RFPL1: variants seen among roughly 807,000 people sequenced by gnomAD.
The protein encoded by RFPL1 is ret finger protein-like 1.
A neutral mutation model predicts 9.6 loss-of-function variants in RFPL1; 6 were observed. That is an observed-to-expected ratio of 0.62 (90% CI 0.34 to 1.23). The LOEUF (loss-of-function observed/expected upper bound fraction) is 1.23. RFPL1 is among the 50% of genes most tolerant of loss of function. The pLI, the probability that RFPL1 is intolerant of heterozygous loss-of-function variation, is 0.03. For missense variants in RFPL1, 352 were observed against 398.4 expected, an observed-to-expected ratio of 0.88 and a Z score of 0.99; for synonymous variants, 145 against 149.4, an observed-to-expected ratio of 0.97 and a Z score of 0.22.
At position 29,439,166 on chromosome 22, in the gene RFPL1, TGA is replaced by T. The variant is rs1332545212; in HGVS notation, c.373+4_373+5del. The stretch of plus-strand genomic sequence containing the variant: ...ACCCAAGGATGCGGAAGTTCCAAGG[TGA>T]GGGATCTGTATACACTGCCCCCTTC... On this transcript the variant is annotated splice_donor_region_variant and intron_variant, in intron 1 of 1. Coordinates refer to ENST00000354373, the Ensembl canonical transcript of RFPL1. The T allele has an allele frequency of 2.5e-6, 4 of 1,613,432 alleles. No homozygotes were observed. Among genetic ancestry groups the T allele is most frequent in the Admixed American group, 1.7e-5 (1 of 59,968 alleles).
rs369797125 is a variant in RFPL1, at chr22:29,442,277, A to C, written c.*155A>C. 57 of 524,614 alleles carry C rather than the reference A, an allele frequency of 1.1e-4. 2 individuals carry two copies. The South Asian group carries it at 2.7e-3, about 24-fold the overall frequency. 32.5% of individuals were successfully genotyped at this position (524,614 alleles called of 1,614,324 possible). A position where few individuals can be genotyped will look rare whatever the true frequency, so the allele number is the denominator to read the frequency against. On this transcript the variant is annotated 3_prime_UTR_variant, in exon 2 of 2. Coordinates refer to ENST00000354373, the Ensembl canonical transcript of RFPL1. ...CTTAATCTAATTTGATTAGTTTATAAATTGAGTCCTAAGTATTAATTATTG... is the reference window on the plus strand; with the variant it reads ...CTTAATCTAATTTGATTAGTTTATACATTGAGTCCTAAGTATTAATTATTG...
chr22:29,434,778 G>A (rs116638187), upstream of RFPL1: 2,433 of 152,816 alleles, frequency 0.016, 53 homozygotes, highest in African/African-American at 0.056. Context: ...GTGAGTCCGG[G>A]GCTATGCAGG....
chr22:29,424,181 G>GA, the RFPL1 span, among the ~76,000 whole-genome samples: 2,249 of 146,606 alleles, frequency 0.015, 48 homozygotes, highest in African/African-American at 0.053. Context: ...CTTTGTCTCA[G>GA]AAAAAAAAAA....
the RFPL1 span, among the ~76,000 whole-genome samples, chr22:29,423,382 C>CTTTTT: frequency 0.059 from 7,796 of 132,840 alleles, 476 homozygotes; most frequent in South Asian, 0.18. Flanking sequence ...AATCTATCAA[C>CTTTTT]TTTTTTTTTT....
the RFPL1 span, among the ~76,000 whole-genome samples, chr22:29,427,379 C>T: frequency 6.6e-6 from 1 of 152,144 alleles, no homozygotes; most frequent in Non-Finnish European, 1.5e-5. Flanking sequence ...GTAGCTGAGT[C>T]CTGTGAAAGC....
At chr22:29,427,875 C>T in the RFPL1 span, among the ~76,000 whole-genome samples, 1 of 152,276 alleles carries the variant, frequency 6.6e-6, no homozygotes. Flanking sequence ...ATGAATCCTG[C>T]CCTTTGGTCA....
At chr22:29,406,389 A>G in the RFPL1 span, among the ~76,000 whole-genome samples, 1 of 151,902 alleles carries the variant, frequency 6.6e-6, no homozygotes, top group South Asian at 2.1e-4. Flanking sequence ...AGCCCTATAG[A>G]TCTTAGTAGG....
chr22:29,433,763 C>T (rs535929013), upstream of RFPL1, among the ~76,000 whole-genome samples: 3 of 152,214 alleles, frequency 2.0e-5, no homozygotes, highest in East Asian at 5.8e-4. Flanking sequence ...TACCCTAGAC[C>T]TGTGCTGCCC....
At chr22:29,420,642 T>TG in the RFPL1 span, among the ~76,000 whole-genome samples, 1 of 131,578 alleles carries the variant, frequency 7.6e-6, no homozygotes, top group Non-Finnish European at 1.6e-5. Flanking sequence ...TGCTTTTTTT[T>TG]TTTTTTTTTT....
the RFPL1 span, among the ~76,000 whole-genome samples, chr22:29,431,546 C>T: frequency 1.3e-5 from 2 of 152,142 alleles, no homozygotes; most frequent in Non-Finnish European, 2.9e-5. Flanking sequence ...TGGAGGGTCT[C>T]TGAGTCTAGT....
chr22:29,398,024 C>G, the RFPL1 span, among the ~76,000 whole-genome samples: 2 of 152,164 alleles, frequency 1.3e-5, no homozygotes, highest in African/African-American at 2.4e-5. Context: ...GGCAAATTCC[C>G]CACGCAAAGC....
chr22:29,425,444 C>G, the RFPL1 span, among the ~76,000 whole-genome samples: 1 of 152,104 alleles, frequency 6.6e-6, no homozygotes, highest in Admixed American at 6.5e-5. Flanking sequence ...TGGGACCAAC[C>G]CTTAGCTCCT....
intron 1 of RFPL1, 28 bp from the exon 2 acceptor site, chr22:29,441,514 T>G (rs747246215): frequency 1.9e-6 from 3 of 1,597,118 alleles, no homozygotes; most frequent in Admixed American, 3.4e-5. Context: ...CTGTCCATTT[T>G]CTGATCAACT....
the RFPL1 span, among the ~76,000 whole-genome samples, chr22:29,423,348 A>C: frequency 2.0e-5 from 3 of 152,142 alleles, no homozygotes; most frequent in African/African-American, 7.2e-5. Flanking sequence ...ATGGCAGATT[A>C]GATTTTGAAA....
the RFPL1 span, among the ~76,000 whole-genome samples, chr22:29,390,834 G>T: frequency 6.6e-6 from 1 of 151,444 alleles, no homozygotes; most frequent in Non-Finnish European, 1.5e-5. Flanking sequence ...TCCTGACCTT[G>T]TGATCCGCCC....
At chr22:29,389,479 G>A in the RFPL1 span, among the ~76,000 whole-genome samples, 1 of 151,674 alleles carries the variant, frequency 6.6e-6, no homozygotes, top group Non-Finnish European at 1.5e-5. Context: ...AAGGCCAGGA[G>A]ATCGAGACCA....
At chr22:29,442,082 G>C in exon 2 of RFPL1, 1 of 1,597,206 alleles carries the variant, frequency 6.3e-7, no homozygotes, top group Non-Finnish European at 8.6e-7. Context: ...ATAAACCCGG[G>C]CACTACTGAT....
the RFPL1 span, among the ~76,000 whole-genome samples, chr22:29,422,665 C>G: frequency 6.6e-6 from 1 of 151,934 alleles, no homozygotes; most frequent in Non-Finnish European, 1.5e-5. Context: ...ATCACTTGAA[C>G]CTGGGAGGCA....
the RFPL1 span, among the ~76,000 whole-genome samples, chr22:29,405,899 G>A: frequency 6.6e-6 from 1 of 151,172 alleles, no homozygotes. Context: ...CACGAGGTCA[G>A]GAGATCGAGA....
Sources: gnomAD v4.1 joint callset for allele counts (sites outside exome capture counted in the v4.1 genomes callset) on GRCh38, gnomAD v4.1.1 for gene constraint, MANE v1.5 for transcripts, NCBI Gene and HGNC (gene_info 2026-07-23, HGNC 2026-07-21) for gene names.